SPATA13: variants seen among roughly 807,000 people sequenced by gnomAD.
SPATA13 encodes spermatogenesis-associated protein 13.
A neutral mutation model predicts 104.0 loss-of-function variants in SPATA13; 50 were observed. The ratio of observed to expected loss-of-function variants is 0.48; its 90% CI spans 0.38 to 0.61. The LOEUF is 0.61. SPATA13 is among the 20% of genes least tolerant of loss of function. The probability of loss-of-function intolerance (pLI) is 0.00; values close to 1 mark genes in which losing one functional copy is unlikely to be tolerated. For synonymous variants in SPATA13, 606 were observed against 667.5 expected (o/e 0.91, Z 1.42); for missense variants, 1,524 against 1,690.6 (o/e 0.90, Z 1.73).
chr13:24,285,792 A>G (rs1247951282), intron 5 of SPATA13, among the ~76,000 whole-genome samples: 8 of 149,408 alleles, frequency 5.4e-5, no homozygotes, highest in Non-Finnish European at 1.2e-4. Context: ...GTGATTCTCC[A>G]GCCTCAGCCT....
intron 1 of SPATA13, among the ~76,000 whole-genome samples, chr13:24,195,726 A>G (rs895079805): frequency 6.6e-6 from 1 of 152,066 alleles, no homozygotes; most frequent in Non-Finnish European, 1.5e-5. Context: ...TGATTTGTTG[A>G]TTTCACTGTA....
intron 3 of SPATA13, among the ~76,000 whole-genome samples, chr13:24,128,817 G>A (rs889056560): frequency 2.0e-5 from 3 of 151,200 alleles, no homozygotes; most frequent in African/African-American, 4.9e-5. Context: ...TAGAATAATC[G>A]CATTGTGCTT....
At chr13:24,298,642 C>T (rs1410804858) in intron 11 of SPATA13, among the ~76,000 whole-genome samples, 1 of 152,194 alleles carries the variant, frequency 6.6e-6, no homozygotes, top group African/African-American at 2.4e-5. Context: ...CCTCAAAAGT[C>T]ATGGTCCAGG....
chr13:24,202,705 T>A (rs1342279831), intron 1 of SPATA13, among the ~76,000 whole-genome samples: 2 of 151,960 alleles, frequency 1.3e-5, no homozygotes, highest in East Asian at 3.8e-4. Context: ...ACTGTCTTAT[T>A]AGATAGTTTT....
Position 24,026,864 on chromosome 13 carries a change from A to C in SPATA13, c.-112+9163A>C, listed in dbSNP as rs528590334. Among the ~76,000 whole-genome samples the C allele has an allele frequency of 3.6e-3, 546 of 152,248 alleles. 5 individuals carry two copies. The highest frequency in any genetic ancestry group is 0.012 in the African/African-American group (492 of 41,532). ...TGTGACCTTTGCCTCCGCCTCCCAA[A>C]GTGTTGGGATTACAGGCGTGAGCCA... On this transcript the variant is annotated intron_variant, in intron 3 of 14. Transcript: ENST00000424834.
intron 1 of SPATA13, among the ~76,000 whole-genome samples, chr13:24,191,578 T>C (rs1259274642): frequency 2.2e-5 from 3 of 138,306 alleles, no homozygotes; most frequent in Non-Finnish European, 3.1e-5. Context: ...GGCGTGATCT[T>C]GGCTCACTGC....
At chr13:24,113,868 C>CAAAAAAAAAA (rs958434459) in intron 3 of SPATA13, among the ~76,000 whole-genome samples, 6 of 56,166 alleles carry the variant, frequency 1.1e-4, no homozygotes, top group Non-Finnish European at 1.8e-4. Context: ...GACTCGATCT[C>CAAAAAAAAAA]AAAAAAAAAA....
rs1055052637 is a variant in SPATA13 at position 24,304,782 on chromosome 13, C to G, written c.*2009C>G. 6.6e-6 allele frequency: 1 copy of G among 152,256 alleles called. No homozygotes were observed. The highest frequency in any genetic ancestry group is 2.4e-5 in the African/African-American group (1 of 41,454). 9.4% of individuals were successfully genotyped at this position (152,256 alleles called of 1,614,324 possible). On this transcript the variant is annotated 3_prime_UTR_variant, in exon 13 of 13. Coordinates refer to ENST00000382108, the MANE Select transcript of SPATA13 (RefSeq NM_001166271.3). ...TTCTGTGGACCATCATGCCGCTCGG[C>G]ACGTCCTGAGACAGAAGTTGCTGCA...
chr13:24,072,210 C>A (rs1879185618), intron 3 of SPATA13, among the ~76,000 whole-genome samples: 1 of 152,106 alleles, frequency 6.6e-6, no homozygotes, highest in Non-Finnish European at 1.5e-5. Flanking sequence ...ACAGAACAAA[C>A]AATGTAGAAT....
intron 3 of SPATA13, among the ~76,000 whole-genome samples, chr13:24,131,775 C>T (rs977635386): frequency 6.6e-6 from 1 of 152,102 alleles, no homozygotes; most frequent in Admixed American, 6.5e-5. Context: ...GAAATTGTAA[C>T]ACTTTTGGGG....
chr13:24,252,356 A>G (rs976673204), intron 4 of SPATA13, among the ~76,000 whole-genome samples: 1 of 152,186 alleles, frequency 6.6e-6, no homozygotes, highest in Non-Finnish European at 1.5e-5. Flanking sequence ...TAAAGACACC[A>G]GGCTTACTGC....
At chr13:24,123,331 T>G (rs1446650396) in intron 3 of SPATA13, 1 of 1,397,900 alleles carries the variant, frequency 7.2e-7, no homozygotes, top group Non-Finnish European at 1.0e-6. Flanking sequence ...TTCTGATCAC[T>G]TTCGAACTTC....
At chr13:24,157,864 A>G (rs1882311029), upstream of SPATA13, among the ~76,000 whole-genome samples, 1 of 152,162 alleles carries the variant, frequency 6.6e-6, no homozygotes, top group South Asian at 2.1e-4. Context: ...ACTGCTCACC[A>G]GCTGTGTGAC....
chr13:24,293,772 G>A lies in SPATA13; in HGVS notation c.3081-967G>A, dbSNP rs181967059. Among the ~76,000 whole-genome samples the A allele has an allele frequency of 7.7e-4, 117 of 152,318 alleles. No individual in the cohort carries two copies. The East Asian group carries it at 7.7e-3, about 10-fold the overall frequency. Reference sequence around the variant, plus strand: ...GCGCCACTTCTGGGTGTGAATGGGCGTCTCTGAAGACAGCAGGGTCTGCTT... The same window carrying A: ...GCGCCACTTCTGGGTGTGAATGGGCATCTCTGAAGACAGCAGGGTCTGCTT... On this transcript the variant is annotated intron_variant, in intron 9 of 12. Coordinates refer to ENST00000382108, the MANE Select transcript of SPATA13 (RefSeq NM_001166271.3).
chr13:24,164,502 A>T (rs1253210270), intron 1 of SPATA13, among the ~76,000 whole-genome samples: 1 of 152,144 alleles, frequency 6.6e-6, no homozygotes, highest in Admixed American at 6.5e-5. Flanking sequence ...CTAGGATGAG[A>T]TGGGTGATCA....
chr13:24,285,587 G>A (rs1161721616), intron 5 of SPATA13, among the ~76,000 whole-genome samples: 1 of 149,196 alleles, frequency 6.7e-6, no homozygotes, highest in African/African-American at 2.5e-5. Context: ...ATGTAATCTC[G>A]GCTCACTGCA....
chr13:24,268,123 C>T (rs1007798602), intron 4 of SPATA13, among the ~76,000 whole-genome samples: 7 of 152,150 alleles, frequency 4.6e-5, no homozygotes, highest in Admixed American at 2.6e-4. Flanking sequence ...TAGCCAAATA[C>T]GATTGTTAAA....
chr13:24,042,430 G>T (rs1300683044), intron 3 of SPATA13, among the ~76,000 whole-genome samples: 1 of 124,020 alleles, frequency 8.1e-6, no homozygotes, highest in Admixed American at 8.5e-5. Flanking sequence ...CGTGTTCACA[G>T]TGCTTCTGTT....
intron 4 of SPATA13, among the ~76,000 whole-genome samples, chr13:24,264,671 T>C (rs1874209808): frequency 6.6e-6 from 1 of 152,224 alleles, no homozygotes; most frequent in Non-Finnish European, 1.5e-5. Flanking sequence ...CTCCAATCCC[T>C]GTTGTGTTCT....
Sources: allele counts gnomAD v4.1 joint callset (sites outside exome capture counted in the v4.1 genomes callset), GRCh38; gene constraint gnomAD v4.1.1; transcripts MANE v1.5; gene names NCBI Gene and HGNC (gene_info 2026-07-23, HGNC 2026-07-21).